The following C1orf21 variants were observed in gnomAD, a reference collection of about 807,000 sequenced individuals.
C1orf21 encodes the protein uncharacterized protein C1orf21.
C1orf21 carries 3 observed loss-of-function variants against 18.7 expected under a neutral mutation model. The ratio of observed to expected loss-of-function variants is 0.16; its 90% CI spans 0.07 to 0.42. The LOEUF is 0.42. C1orf21 is among the 10% of genes least tolerant of loss of function. The probability of loss-of-function intolerance (pLI) is 0.99; values close to 1 mark genes in which losing one functional copy is unlikely to be tolerated. For synonymous variants in C1orf21, 41 were observed against 46.4 expected, an observed-to-expected ratio of 0.88 and a Z score of 0.47; for missense variants, 104 against 143.6, an observed-to-expected ratio of 0.72 and a Z score of 1.41.
intron 3 of C1orf21, among the ~76,000 whole-genome samples, chr1:184,518,029 G>T (rs1353521950): frequency 1.7e-4 from 26 of 152,112 alleles, no homozygotes; most frequent in Non-Finnish European, 1.5e-5. Flanking sequence ...GTTTGTTGTG[G>T]CATAGAAGGT....
At chr1:184,529,148 C>T (rs1206686828) in intron 3 of C1orf21, among the ~76,000 whole-genome samples, 3 of 152,074 alleles carry the variant, frequency 2.0e-5, no homozygotes, top group African/African-American at 7.2e-5. Flanking sequence ...TTATTTTTTG[C>T]ATATTTTGAT....
At chr1:184,549,249 TGAAG>T (rs548937578) in intron 3 of C1orf21, among the ~76,000 whole-genome samples, 107 of 152,264 alleles carry the variant, frequency 7.0e-4, no homozygotes, top group African/African-American at 2.5e-3. Flanking sequence ...ATGATTTTGG[TGAAG>T]TGGGTGAGAA....
rs140624178 is a variant in C1orf21 at position 184,400,680 on chromosome 1, T to TTTG, written c.-125+13337_-125+13339dup. Among the ~76,000 whole-genome samples, 67 of 151,882 alleles carry TTTG rather than the reference T, an allele frequency of 4.4e-4. 2 individuals are homozygous for TTTG. In the South Asian group the frequency reaches 5.4e-3, roughly 12 times the overall value. Reference sequence around the variant, plus strand: ...GCTCTTACATTTTAGTGGGGAATTTTTTGTTGTTGTTGTTGTTGTTGTTGT... The same window carrying TTTG: ...GCTCTTACATTTTAGTGGGGAATTTTTTGTTGTTGTTGTTGTTGTTGTTGTTGT... On this transcript the variant is annotated intron_variant, in intron 1 of 5. Transcript: ENST00000235307.
chr1:184,606,115 G>C (rs1405148981), intron 5 of C1orf21, among the ~76,000 whole-genome samples: 1 of 152,212 alleles, frequency 6.6e-6, no homozygotes, highest in Non-Finnish European at 1.5e-5. Flanking sequence ...AACACTTACA[G>C]AGCCATTAAA....
rs1660004787 is a variant in C1orf21, at chr1:184,626,070, T to TGAA, written c.*6514_*6515insGAA. On this transcript the variant is annotated 3_prime_UTR_variant, in exon 6 of 6. Coordinates refer to ENST00000235307, the MANE Select transcript of C1orf21 (RefSeq NM_030806.4). ...TGACCCAGGTATAGCATTTTTAGCA[T>TGAA]TGCCTTTCCAGTCTTGATGATTCAT... 1 of 152,168 alleles carries TGAA rather than the reference T, an allele frequency of 6.6e-6. No homozygotes were observed. Among genetic ancestry groups the TGAA allele is most frequent in the Non-Finnish European group, 1.5e-5 (1 of 68,038 alleles). The allele number at this position is 152,168 out of a possible 1,614,324, so 9.4% of individuals were successfully genotyped here. A position where few individuals can be genotyped will look rare whatever the true frequency, so the allele number is the denominator to read the frequency against.
At chr1:184,503,077 C>CAAAA (rs199599189) in intron 2 of C1orf21, among the ~76,000 whole-genome samples, 16 of 61,608 alleles carry the variant, frequency 2.6e-4, no homozygotes, top group African/African-American at 6.1e-4. Context: ...GAAACTGTCT[C>CAAAA]AAAAAAAAAA....
At chr1:184,589,712 A>G (rs1471853736) in intron 3 of C1orf21, among the ~76,000 whole-genome samples, 1 of 152,244 alleles carries the variant, frequency 6.6e-6, no homozygotes, top group Non-Finnish European at 1.5e-5. Context: ...TAGGCACATA[A>G]GCTCATGTTT....
intron 5 of C1orf21, among the ~76,000 whole-genome samples, chr1:184,605,030 G>A (rs1659630846): frequency 6.6e-6 from 1 of 152,228 alleles, no homozygotes; most frequent in South Asian, 2.1e-4. Context: ...ATAGCAGTGT[G>A]AGGCACAATC....
At chr1:184,451,606 G>GGTA (rs1557975649) in intron 1 of C1orf21, among the ~76,000 whole-genome samples, 2 of 151,340 alleles carry the variant, frequency 1.3e-5, no homozygotes, top group Non-Finnish European at 2.9e-5. Context: ...GGCCCAATCT[G>GGTA]GAACATTTTT....
chr1:184,528,627 TAG>T (rs1329616761), intron 3 of C1orf21, among the ~76,000 whole-genome samples: 1 of 152,146 alleles, frequency 6.6e-6, no homozygotes, highest in Non-Finnish European at 1.5e-5. Context: ...GTATTTTTAG[TAG>T]AGACAAGGTT....
intron 1 of C1orf21, among the ~76,000 whole-genome samples, chr1:184,427,015 T>C (rs906673941): frequency 6.6e-6 from 1 of 152,206 alleles, no homozygotes; most frequent in African/African-American, 2.4e-5. Context: ...ATCAAGTTTC[T>C]AGGTCTGCCC....
chr1:184,620,374 G>C lies in C1orf21; in HGVS notation c.*818G>C, dbSNP rs1313218101. 1 of 152,408 alleles carries C rather than the reference G, an allele frequency of 6.6e-6. No individual in the cohort carries two copies. Among genetic ancestry groups the C allele is most frequent in the Non-Finnish European group, 1.5e-5 (1 of 67,998 alleles). The allele number at this position is 152,408 out of a possible 1,614,324, so 9.4% of individuals were successfully genotyped here. On this transcript the variant is annotated 3_prime_UTR_variant, in exon 6 of 6. Transcript: ENST00000235307. ...CAGCTCAGTGTTTTAAGATGATCCT[G>C]GGTGCAGAAGTTGAGCCCTCCTTTG...
chr1:184,523,325 T>C (rs1658332473), intron 3 of C1orf21, among the ~76,000 whole-genome samples: 2 of 152,116 alleles, frequency 1.3e-5, no homozygotes, highest in Non-Finnish European at 1.5e-5. Flanking sequence ...TGATGTGCTG[T>C]GATGAGAATG....
intron 2 of C1orf21, among the ~76,000 whole-genome samples, chr1:184,480,706 G>A (rs898779958): frequency 2.6e-5 from 4 of 152,158 alleles, no homozygotes; most frequent in African/African-American, 7.2e-5. Flanking sequence ...TAGCCTGGGG[G>A]AAGAGGTACA....
intron 1 of C1orf21, among the ~76,000 whole-genome samples, chr1:184,465,944 C>T (rs952973582): frequency 6.6e-6 from 1 of 152,146 alleles, no homozygotes; most frequent in Non-Finnish European, 1.5e-5. Context: ...GCTGCACTGC[C>T]GTCTCCTGGT....
chr1:184,523,912 G>T (rs139538221), intron 3 of C1orf21, among the ~76,000 whole-genome samples: 14 of 152,018 alleles, frequency 9.2e-5, no homozygotes, highest in South Asian at 8.3e-4. Flanking sequence ...AGACAAAAAG[G>T]TTTTTTTGAT....
At chr1:184,575,753 GCTATGGCTTCTCTTCTCC>G (rs1290208924) in intron 3 of C1orf21, among the ~76,000 whole-genome samples, 2 of 151,826 alleles carry the variant, frequency 1.3e-5, no homozygotes, top group East Asian at 3.9e-4. Flanking sequence ...AGAGGTTTTA[GCTATGGCTTCTCTTCTCC>G]TAGCAAACCC....
At chr1:184,614,195 T>G (rs1659783124) in intron 5 of C1orf21, among the ~76,000 whole-genome samples, 10 of 152,208 alleles carry the variant, frequency 6.6e-5, no homozygotes, top group Admixed American at 6.5e-4. Context: ...TTCAGTATCA[T>G]TGTAAGAGCT....
chr1:184,410,849 G>T (rs900792100), intron 1 of C1orf21, among the ~76,000 whole-genome samples: 1 of 146,938 alleles, frequency 6.8e-6, no homozygotes, highest in Non-Finnish European at 1.5e-5. Context: ...TCGGGGTTTT[G>T]CCACGTTGTC....
Sources: allele counts gnomAD v4.1 joint callset (sites outside exome capture counted in the v4.1 genomes callset), GRCh38; gene constraint gnomAD v4.1.1; transcripts MANE v1.5; gene names NCBI Gene and HGNC (gene_info 2026-07-23, HGNC 2026-07-21).